Variants in ENO3 observed in about 807,000 individuals in gnomAD.
The protein encoded by ENO3 is enolase 3.
A neutral mutation model predicts 47.7 loss-of-function variants in ENO3; 46 were observed. That is an observed-to-expected ratio of 0.96 (90% CI 0.76 to 1.23). The LOEUF is 1.23. ENO3 is among the 50% of genes most tolerant of loss of function. The probability of loss-of-function intolerance (pLI) is 0.00; values close to 1 mark genes in which losing one functional copy is unlikely to be tolerated. For synonymous variants in ENO3, 223 were observed against 225.9 expected (o/e 0.99, Z 0.11); for missense variants, 575 against 566.2 (o/e 1.02, Z -0.16).
intron 2 of ENO3, 76 bp from the exon 3 acceptor site, chr17:4,952,719 C>G: frequency 6.9e-7 from 1 of 1,458,704 alleles, no homozygotes; most frequent in Non-Finnish European, 9.4e-7. Flanking sequence ...GCCTAGGCCT[C>G]TCAAAGTGCT....
intron 4 of ENO3, 40 bp from the exon 5 acceptor site, chr17:4,953,232 A>G: frequency 6.2e-7 from 1 of 1,613,880 alleles, no homozygotes; most frequent in Non-Finnish European, 8.5e-7. Context: ...CTTCTGAGAA[A>G]TCTGACCTCT....
Position 4,951,119 on chromosome 17 carries a change from G to C in ENO3, c.-66G>C. On this transcript the variant is annotated 5_prime_UTR_variant, in exon 1 of 12. Coordinates refer to ENST00000519602, the MANE Select transcript of ENO3 (RefSeq NM_053013.4). ...TGCGCAGCCTGAGAGGGGGTGAGCT[G>C]ACACTGTCCCAGCTGCCACCTAGAC... is the stretch of plus-strand genomic sequence containing the variant. The C allele has an allele frequency of 1.0e-6, 1 of 988,452 alleles. No individual in the cohort carries two copies. Among genetic ancestry groups the C allele is most frequent in the Non-Finnish European group, 1.2e-6 (1 of 831,846 alleles). The allele number at this position is 988,452 out of a possible 1,614,324, so 61.2% of individuals were successfully genotyped here. A position where few individuals can be genotyped will look rare whatever the true frequency, so the allele number is the denominator to read the frequency against.
intron 1 of ENO3, 129 bp from the exon 2 acceptor site, chr17:4,951,699 C>G (rs1387584708): frequency 3.6e-5 from 37 of 1,024,126 alleles, no homozygotes; most frequent in Non-Finnish European, 5.5e-5. Context: ...TGGTCTGTGA[C>G]CTTTTTGTAG....
At chr17:4,953,429 G>T (rs557538543) in intron 5 of ENO3, 88 bp downstream of exon 5, 701 of 1,578,152 alleles carry the variant, frequency 4.4e-4, no homozygotes, top group Non-Finnish European at 5.8e-4. Flanking sequence ...GTTATTTCTG[G>T]GTCCCCCATT....
rs1240927609 is a variant in ENO3, at chr17:4,956,936, T to A, written c.1236-42T>A. The A allele has an allele frequency of 1.9e-6, 3 of 1,614,008 alleles. No homozygotes were observed. The African/African-American group carries it at 4.0e-5, about 22-fold the overall frequency. ...TGGGCATTGGGGTGCTGGAGGCTGT[T>A]AGGTTGGAAGTTCAGCAGCCCTAAC... On this transcript the variant is annotated intron_variant, in intron 11 of 11. Transcript: ENST00000519602.
At chr17:4,954,931 G>T in intron 6 of ENO3, 144 bp from the exon 7 acceptor site, 1 of 596,896 alleles carries the variant, frequency 1.7e-6, no homozygotes. Context: ...AATGAGGAAA[G>T]AGGCTCTTGA....
chr17:4,951,706 G>C, intron 1 of ENO3, 122 bp from the exon 2 acceptor site: 1 of 1,078,994 alleles, frequency 9.3e-7, no homozygotes. Context: ...TGACCTTTTT[G>C]TAGGGTATTT....
chr17:4,950,501 C>A, upstream of ENO3: 1 of 937,426 alleles, frequency 1.1e-6, no homozygotes, highest in Non-Finnish European at 1.3e-6. Context: ...CGTTATCAGT[C>A]GGGCGCCTTG....
intron 4 of ENO3, 55 bp downstream of exon 4, chr17:4,953,164 G>A: frequency 1.2e-6 from 2 of 1,613,388 alleles, no homozygotes; most frequent in East Asian, 4.5e-5. Flanking sequence ...TGCTCCCTCA[G>A]CCCAGACAGG....
At chr17:4,954,479 T>C (rs1390700753) in intron 6 of ENO3, among the ~76,000 whole-genome samples, 1 of 152,244 alleles carries the variant, frequency 6.6e-6, no homozygotes, top group Non-Finnish European at 1.5e-5. Flanking sequence ...GTAAAGTACT[T>C]AGTGCGTGGC....
intron 11 of ENO3, 42 bp downstream of exon 11, chr17:4,956,931 G>A (rs1971758681): frequency 1.2e-6 from 2 of 1,614,114 alleles, no homozygotes; most frequent in African/African-American, 2.7e-5. Flanking sequence ...GGTGCTGGAG[G>A]CTGTTAGGTT....
chr17:4,953,387 A>G, intron 5 of ENO3, 46 bp downstream of exon 5: 7 of 1,612,890 alleles, frequency 4.3e-6, no homozygotes, highest in Middle Eastern at 1.7e-4. Context: ...TGTGGGAGAG[A>G]TGGCGAGAGG....
chr17:4,953,796 G>T lies in ENO3; in HGVS notation c.395G>T (p.Arg132Leu). 2 of 1,614,158 alleles carry T rather than the reference G, an allele frequency of 1.2e-6. No individual in the cohort carries two copies. The change falls in exon 6 of 12, where the codon CGC (arginine) becomes CTC (leucine). Residue 132 changes from arginine to leucine, a missense_variant. Physicochemically the swap from Arg to Leu is moderately radical, Grantham distance 102 (BLOSUM62 -2). Coordinates refer to ENST00000519602, the MANE Select transcript of ENO3 (RefSeq NM_053013.4). ...GAAEKGVPLY[R>L]HIADLAGNPD... ...GCTGAGAAGGGGGTCCCCCTGTACC[G>T]CCACATCGCAGATCTCGCTGGGAAC...
intron 6 of ENO3, 109 bp from the exon 7 acceptor site, chr17:4,954,966 T>G: frequency 1.1e-6 from 1 of 890,828 alleles, no homozygotes; most frequent in Non-Finnish European, 1.7e-6. Context: ...CCTAGACCAC[T>G]GAGCTAGTAA....
intron 5 of ENO3, 134 bp downstream of exon 5, chr17:4,953,475 T>C: frequency 7.1e-7 from 1 of 1,417,802 alleles, no homozygotes; most frequent in Non-Finnish European, 9.9e-7. Context: ...TTTGTGTTCA[T>C]TCCACAGGCA....
At chr17:4,952,653 G>C in intron 2 of ENO3, 142 bp from the exon 3 acceptor site, 1 of 859,582 alleles carries the variant, frequency 1.2e-6, no homozygotes, top group East Asian at 2.7e-5. Flanking sequence ...TAGCAGAGAC[G>C]GTTTCGCCAT....
Position 4,955,466 on chromosome 17 carries a change from G to C in ENO3, c.727G>C (p.Gly243Arg). The C allele has an allele frequency of 6.2e-7, 1 of 1,614,222 alleles. No homozygotes were observed. The highest frequency in any genetic ancestry group is 1.1e-5 in the South Asian group (1 of 91,070). Residue 243 changes from glycine to arginine, a missense_variant, in exon 8 of 12, where the codon GGC becomes CGC. By Grantham distance (125) the Gly-to-Arg change is moderately radical. Transcript: ENST00000519602. ...TGGTTACCCAGACAAGGTGGTGATC[G>C]GCATGGATGTGGCAGCATCTGAGTT... The part of the protein sequence containing the change: ...AAGYPDKVVI[G>R]MDVAASEFYR...
intron 2 of ENO3, 162 bp downstream of exon 2, chr17:4,952,076 GAGA>G: frequency 1.3e-6 from 1 of 766,400 alleles, no homozygotes; most frequent in African/African-American, 1.7e-5. Flanking sequence ...TGGAAGCTAG[GAGA>G]AGCAGGAGTC....
chr17:4,952,884 G>A lies in ENO3; in HGVS notation c.175G>A (p.Gly59Arg), dbSNP rs1472421155. 5.0e-6 allele frequency: 8 copies of A among 1,612,188 alleles called. No homozygotes were observed. Among genetic ancestry groups the A allele is most frequent in the Non-Finnish European group, 6.8e-6 (8 of 1,179,078 alleles). The change falls in exon 3 of 12, where the codon GGG becomes AGG. Residue 59 changes from glycine (G) to arginine (R), a missense_variant. Gly to Arg is a moderately radical substitution (Grantham distance 125). Coordinates refer to ENST00000519602, the MANE Select transcript of ENO3 (RefSeq NM_053013.4). ...LRDGDKGRYLGKGVLKAVENI... is the reference protein window; with the variant it reads ...LRDGDKGRYLRKGVLKAVENI... ...AGACGGAGACAAAGGCCGCTACCTGGGGAAAGGTGAGGAGACACCAGCGCA... is the reference window on the plus strand; with the variant it reads ...AGACGGAGACAAAGGCCGCTACCTGAGGAAAGGTGAGGAGACACCAGCGCA...
Sources: gnomAD v4.1 joint callset for allele counts (sites outside exome capture counted in the v4.1 genomes callset) on GRCh38, gnomAD v4.1.1 for gene constraint, MANE v1.5 for transcripts, NCBI Gene and HGNC (gene_info 2026-07-23, HGNC 2026-07-21) for gene names.